The following XPO4 variants were observed in gnomAD, a reference collection of about 807,000 sequenced individuals.
XPO4 encodes the protein exportin-4.
In XPO4, 39 loss-of-function variants were observed where a neutral mutation model predicts 143.0. The observed-to-expected ratio is 0.27, with a 90% CI of 0.21 to 0.36. The LOEUF (loss-of-function observed/expected upper bound fraction) is 0.36. Ranked by LOEUF, XPO4 falls within the 10% of genes least tolerant of loss-of-function variation. XPO4 has a pLI of 1.00. For synonymous variants in XPO4, 439 were observed against 474.0 expected, an observed-to-expected ratio of 0.93 and a Z score of 0.96; for missense variants, 907 against 1,348.0, an observed-to-expected ratio of 0.67 and a Z score of 5.12.
At chr13:20,822,019 T>C (rs1483839459) in intron 8 of XPO4, 113 bp downstream of exon 8, 2 of 1,403,288 alleles carry the variant, frequency 1.4e-6, no homozygotes, top group Non-Finnish European at 1.9e-6. Context: ...ATTACCCATA[T>C]GACTTTACTT....
intron 1 of XPO4, among the ~76,000 whole-genome samples, chr13:20,898,491 G>A (rs2060589546): frequency 6.6e-6 from 1 of 152,138 alleles, no homozygotes. Flanking sequence ...CTTGAACCTG[G>A]GAGGCAGAGG....
intron 10 of XPO4, 107 bp from the exon 11 acceptor site, chr13:20,809,332 A>AG: frequency 7.3e-7 from 1 of 1,377,782 alleles, no homozygotes; most frequent in Non-Finnish European, 9.7e-7. Context: ...GCATAGCAAA[A>AG]GGAGAGGGGA....
intron 9 of XPO4, among the ~76,000 whole-genome samples, chr13:20,816,878 C>A (rs930789437): frequency 1.3e-5 from 2 of 152,150 alleles, no homozygotes; most frequent in African/African-American, 4.8e-5. Context: ...CCTGGTAGAG[C>A]TAAAACTATT....
At chr13:20,896,902 A>C (rs552609415) in intron 1 of XPO4, among the ~76,000 whole-genome samples, 2 of 152,308 alleles carry the variant, frequency 1.3e-5, no homozygotes, top group Middle Eastern at 3.4e-3. Context: ...AATGCTGTTA[A>C]ATTTTAACAA....
At chr13:20,819,257 G>A (rs2059688441) in intron 9 of XPO4, among the ~76,000 whole-genome samples, 1 of 152,204 alleles carries the variant, frequency 6.6e-6, no homozygotes, top group Non-Finnish European at 1.5e-5. Flanking sequence ...CTTCATGACT[G>A]CCTGGCCTGT....
At chr13:20,877,905 T>A (rs866372868) in intron 1 of XPO4, among the ~76,000 whole-genome samples, 18 of 152,254 alleles carry the variant, frequency 1.2e-4, no homozygotes, top group Middle Eastern at 6.8e-3. Flanking sequence ...AAAAATTAAG[T>A]GCAAAAACAA....
intron 4 of XPO4, chr13:20,851,496 C>T (rs575050769): frequency 5.4e-5 from 50 of 931,596 alleles, no homozygotes; most frequent in Non-Finnish European, 6.0e-5. Flanking sequence ...ATTGCTTGAG[C>T]CTGGAAGTTT....
intron 4 of XPO4, among the ~76,000 whole-genome samples, chr13:20,846,467 C>A (rs1036423167): frequency 6.6e-6 from 1 of 152,146 alleles, no homozygotes; most frequent in Non-Finnish European, 1.5e-5. Context: ...TTTTTAGTTA[C>A]GGCAATGAAT....
rs1334573401 is a variant in XPO4 at position 20,868,682 on chromosome 13, T to C, written c.89A>G (p.Asn30Ser). The C allele has an allele frequency of 2.5e-6, 4 of 1,612,950 alleles. No individual in the cohort carries two copies. The highest frequency in any genetic ancestry group is 1.7e-6 in the Non-Finnish European group (2 of 1,179,434). The stretch of plus-strand genomic sequence containing the variant: ...CTCTGCATGCTGGCGTTGTTCATTA[T>C]TGACCATGGAAGGTGGTGCCTTGAG... ...KVLMAPPSMVNNEQRQHAEHI... is the reference protein window; with the variant it reads ...KVLMAPPSMVSNEQRQHAEHI... Residue 30 changes from asparagine (N) to serine (S), a missense_variant, in exon 2 of 23, where the codon AAT becomes AGT. Transcript: ENST00000255305.
At chr13:20,855,457 A>G (rs2060134264) in intron 4 of XPO4, among the ~76,000 whole-genome samples, 170 bp downstream of exon 4, 1 of 134,924 alleles carries the variant, frequency 7.4e-6, no homozygotes, top group African/African-American at 2.8e-5. Flanking sequence ...CTCTTGTCAC[A>G]AGGGAAAAAA....
intron 1 of XPO4, among the ~76,000 whole-genome samples, chr13:20,869,030 C>CA (rs2060269051): frequency 6.6e-6 from 1 of 151,882 alleles, no homozygotes; most frequent in Admixed American, 6.6e-5. Context: ...CCTTTTATTC[C>CA]AAAATATACC....
intron 3 of XPO4, among the ~76,000 whole-genome samples, chr13:20,857,522 T>C (rs1049001691): frequency 6.6e-6 from 1 of 151,504 alleles, no homozygotes; most frequent in African/African-American, 2.4e-5. Context: ...GGTCAGGAGA[T>C]AGAGACCATC....
At chr13:20,787,340 GA>G in intron 21 of XPO4, 140 bp downstream of exon 21, 2 of 802,378 alleles carry the variant, frequency 2.5e-6, no homozygotes, top group Non-Finnish European at 4.0e-6. Flanking sequence ...CTGATCTCCA[GA>G]AAAAAACAGT....
chr13:20,786,729 T>G, intron 22 of XPO4, among the ~76,000 whole-genome samples: 1 of 152,100 alleles, frequency 6.6e-6, no homozygotes, highest in African/African-American at 2.4e-5. Flanking sequence ...AAAGGATGGT[T>G]CATAATGGTG....
intron 9 of XPO4, among the ~76,000 whole-genome samples, chr13:20,811,865 C>A (rs887484668): frequency 6.6e-6 from 1 of 152,130 alleles, no homozygotes; most frequent in African/African-American, 2.4e-5. Flanking sequence ...ATGAAGGCCT[C>A]TTGGCCTTTC....
Position 20,783,645 on chromosome 13 carries a change from G to A in XPO4, c.*77C>T. On this transcript the variant is annotated 3_prime_UTR_variant, in exon 23 of 23. Coordinates refer to ENST00000255305, the MANE Select transcript of XPO4 (RefSeq NM_022459.5). ...AATGGCCAAATGAACTGAGGAATAGGACAAGACTCAAGTCAACTTTCAGCA... is the reference window on the plus strand; with the variant it reads ...AATGGCCAAATGAACTGAGGAATAGAACAAGACTCAAGTCAACTTTCAGCA... 6 of 1,503,980 alleles carry A rather than the reference G, an allele frequency of 4.0e-6. No individual in the cohort carries two copies. The highest frequency in any genetic ancestry group is 2.3e-5 in the South Asian group (2 of 86,678). The allele number at this position is 1,503,980 out of a possible 1,614,324, so 93.2% of individuals were successfully genotyped here. A position where few individuals can be genotyped will look rare whatever the true frequency, so the allele number is the denominator to read the frequency against.
chr13:20,866,506 A>G lies in XPO4; in HGVS notation c.175+2090T>C, dbSNP rs1280812994. 8.2e-6 allele frequency: 4 copies of G among 490,104 alleles called. No individual in the cohort carries two copies. In the African/African-American group the frequency reaches 8.3e-5, roughly 10 times the overall value. 30.4% of individuals were successfully genotyped at this position (490,104 alleles called of 1,614,324 possible). A position where few individuals can be genotyped will look rare whatever the true frequency, so the allele number is the denominator to read the frequency against. On this transcript the variant is annotated intron_variant, in intron 2 of 22. Transcript: ENST00000255305. ...TGAACTGCGATTGACTGCCACTTGTATGAGAAGTCTTCTTAGAGGAATTTA... is the reference window on the plus strand; with the variant it reads ...TGAACTGCGATTGACTGCCACTTGTGTGAGAAGTCTTCTTAGAGGAATTTA...
chr13:20,785,636 G>T (rs1313698656), intron 22 of XPO4, among the ~76,000 whole-genome samples: 1 of 151,270 alleles, frequency 6.6e-6, no homozygotes, highest in Non-Finnish European at 1.5e-5. Flanking sequence ...CTGCACTCCA[G>T]CCTGGGTAAT....
intron 4 of XPO4, chr13:20,849,416 T>C (rs1056001500): frequency 6.7e-5 from 66 of 984,854 alleles, no homozygotes; most frequent in Non-Finnish European, 7.2e-5. Flanking sequence ...GTATGCCTAC[T>C]GCTTTCAAAG....
Sources: allele counts gnomAD v4.1 joint callset (sites outside exome capture counted in the v4.1 genomes callset), GRCh38; gene constraint gnomAD v4.1.1; transcripts MANE v1.5; gene names NCBI Gene and HGNC (gene_info 2026-07-23, HGNC 2026-07-21).